The following PBX1 variants were observed in gnomAD, a reference collection of about 807,000 sequenced individuals.
PBX1 encodes pre-B-cell leukemia transcription factor 1.
PBX1 carries 6 observed loss-of-function variants against 53.4 expected under a neutral mutation model. That is an observed-to-expected ratio of 0.11 (90% CI 0.06 to 0.22). PBX1 has a LOEUF of 0.22. PBX1 is among the 10% of genes least tolerant of loss of function. The pLI is 1.00. For missense variants in PBX1, 251 were observed against 551.4 expected (o/e 0.46, Z 5.46); for synonymous variants, 204 against 212.3 (o/e 0.96, Z 0.34).
chr1:164,629,177 C>T (rs1338046126), intron 2 of PBX1, among the ~76,000 whole-genome samples: 1 of 151,928 alleles, frequency 6.6e-6, no homozygotes, highest in African/African-American at 2.4e-5. Context: ...GGCCGTGTCT[C>T]CATGGACCTG....
chr1:164,784,502 A>G (rs991099959), intron 2 of PBX1, among the ~76,000 whole-genome samples: 12 of 152,238 alleles, frequency 7.9e-5, no homozygotes, highest in Admixed American at 3.3e-4. Flanking sequence ...TAACCCAGGG[A>G]AAAAGATGAC....
chr1:164,870,263 T>TTCCC lies in PBX1; in HGVS notation n.258-28922_258-28921insCTCC, dbSNP rs1672328261. 2.3e-4 allele frequency among the ~76,000 whole-genome samples: 18 copies of TTCCC among 77,068 alleles called. No individual in the cohort carries two copies. In the South Asian group the frequency reaches 2.8e-3, roughly 12 times the overall value. 50.6% of individuals were successfully genotyped at this position (77,068 alleles called of 152,430 possible). The stretch of plus-strand genomic sequence containing the variant: ...CTTCCTTCCTTCCTTCCTTCCTTCC[T>TTCCC]TCCTTCTTTCTTTCTTTCTTTCTTT... On this transcript the variant is annotated intron_variant and non_coding_transcript_variant, in intron 2 of 2. Transcript: ENST00000558796.
At chr1:164,701,602 C>T (rs1194713249) in intron 2 of PBX1, among the ~76,000 whole-genome samples, 1 of 152,176 alleles carries the variant, frequency 6.6e-6, no homozygotes, top group African/African-American at 2.4e-5. Flanking sequence ...GAAACTACCT[C>T]TTCCTTCACA....
intron 2 of PBX1, among the ~76,000 whole-genome samples, chr1:164,577,777 T>A (rs1177586854): frequency 1.3e-5 from 2 of 152,150 alleles, no homozygotes; most frequent in Admixed American, 1.3e-4. Context: ...TAATTCCCTC[T>A]ATAAATTTCC....
At chr1:164,693,396 A>C (rs1333070460) in intron 2 of PBX1, among the ~76,000 whole-genome samples, 1 of 152,216 alleles carries the variant, frequency 6.6e-6, no homozygotes, top group Admixed American at 6.5e-5. Flanking sequence ...AAGCACCAAA[A>C]GTTGTTGATC....
chr1:164,666,469 T>C (rs1660813364), intron 2 of PBX1, among the ~76,000 whole-genome samples: 1 of 152,204 alleles, frequency 6.6e-6, no homozygotes, highest in Non-Finnish European at 1.5e-5. Context: ...CATTCTCAGA[T>C]TGGTCTGAGT....
rs966222247 is a variant in PBX1, at chr1:164,820,241, G to C, written c.1110+57G>C. On this transcript the variant is annotated intron_variant, in intron 7 of 8. Transcript: ENST00000420696. ...ATGCCTTAGAGTCCAAGAGCCCTCAGTTGTATTGGACTTCCTGCTTCTGTC... is the reference window on the plus strand; with the variant it reads ...ATGCCTTAGAGTCCAAGAGCCCTCACTTGTATTGGACTTCCTGCTTCTGTC... 39 of 965,212 alleles carry C rather than the reference G, an allele frequency of 4.0e-5. No homozygotes were observed. In the Middle Eastern group the frequency reaches 9.4e-4, roughly 23 times the overall value. 59.8% of individuals were successfully genotyped at this position (965,212 alleles called of 1,614,324 possible).
intron 2 of PBX1, among the ~76,000 whole-genome samples, chr1:164,673,675 C>T (rs776829980): frequency 2.0e-5 from 3 of 152,050 alleles, no homozygotes; most frequent in Non-Finnish European, 4.4e-5. Flanking sequence ...AGAAACTTAA[C>T]TCCTAGGAAT....
At chr1:164,588,151 T>G (rs1249108156) in intron 2 of PBX1, among the ~76,000 whole-genome samples, 3 of 152,104 alleles carry the variant, frequency 2.0e-5, no homozygotes, top group Non-Finnish European at 4.4e-5. Context: ...CTGAAAAACC[T>G]CACATCCAGA....
chr1:164,610,953 C>T (rs1464872183), intron 2 of PBX1, among the ~76,000 whole-genome samples: 5 of 152,240 alleles, frequency 3.3e-5, no homozygotes, highest in Admixed American at 3.3e-4. Context: ...CTTTCTCTCA[C>T]CATAAATCCT....
At chr1:164,581,248 G>A (rs1434903225) in intron 2 of PBX1, among the ~76,000 whole-genome samples, 1 of 147,054 alleles carries the variant, frequency 6.8e-6, no homozygotes, top group East Asian at 2.0e-4. Context: ...TTTTTTTTGA[G>A]ATGGAGTCTC....
At chr1:164,797,923 A>G (rs12049343) in intron 3 of PBX1, among the ~76,000 whole-genome samples, 74,028 of 152,072 alleles carry the variant, frequency 0.49, 18,330 homozygotes, top group South Asian at 0.59. Context: ...CTGAACCCAG[A>G]CTGTGCTCTC....
At chr1:164,611,530 G>A (rs1337125710) in intron 2 of PBX1, among the ~76,000 whole-genome samples, 2 of 152,134 alleles carry the variant, frequency 1.3e-5, no homozygotes, top group East Asian at 1.9e-4. Context: ...GAGCCACCGC[G>A]CCCGGCCTTC....
intron 8 of PBX1, chr1:164,829,545 A>G (rs1670646897): frequency 6.6e-6 from 1 of 152,192 alleles, no homozygotes; most frequent in African/African-American, 2.4e-5. Flanking sequence ...CAAACACCGC[A>G]TGTTCTCACT....
At chr1:164,767,758 T>C (rs1211530543) in intron 2 of PBX1, among the ~76,000 whole-genome samples, 1 of 152,196 alleles carries the variant, frequency 6.6e-6, no homozygotes, top group Non-Finnish European at 1.5e-5. Context: ...CTCATTCTTA[T>C]GTAGAGGTCC....
At chr1:164,645,896 G>A (rs942215250) in intron 2 of PBX1, among the ~76,000 whole-genome samples, 1 of 152,136 alleles carries the variant, frequency 6.6e-6, no homozygotes, top group African/African-American at 2.4e-5. Context: ...TTGTGTGATA[G>A]GTAAAGAACT....
intron 2 of PBX1, among the ~76,000 whole-genome samples, chr1:164,675,903 T>C (rs1472967007): frequency 1.3e-5 from 2 of 152,154 alleles, no homozygotes; most frequent in Non-Finnish European, 2.9e-5. Context: ...GTGTGCCAGG[T>C]CTCTCTCTAC....
At chr1:164,773,241 G>GTGCACACACACACACA (rs1667466148) in intron 2 of PBX1, among the ~76,000 whole-genome samples, 1 of 135,188 alleles carries the variant, frequency 7.4e-6, no homozygotes, top group Non-Finnish European at 1.6e-5. Flanking sequence ...TAGGTAACAC[G>GTGCACACACACACACA]CGCACACACA....
At position 164,792,757 on chromosome 1, in the gene PBX1, G is replaced by A. The variant is rs578226266; in HGVS notation, c.510+19G>A. ...CGAGCAGGTAACCAGAACCACCTGG[G>A]GCTCGGCACCCAGGCCCTTTAGGAA... is the stretch of plus-strand genomic sequence containing the variant. On this transcript the variant is annotated intron_variant, in intron 3 of 8. Coordinates refer to ENST00000420696, the MANE Select transcript of PBX1 (RefSeq NM_002585.4). The A allele has an allele frequency of 2.0e-5, 31 of 1,569,822 alleles. No homozygotes were observed. Among genetic ancestry groups the A allele is most frequent in the Non-Finnish European group, 2.6e-5 (30 of 1,149,782 alleles).
Sources: gnomAD v4.1 joint callset for allele counts (sites outside exome capture counted in the v4.1 genomes callset) on GRCh38, gnomAD v4.1.1 for gene constraint, MANE v1.5 for transcripts, NCBI Gene and HGNC (gene_info 2026-07-23, HGNC 2026-07-21) for gene names.